Variants in PPP2R5E observed in about 807,000 individuals in gnomAD.
PPP2R5E encodes the protein protein phosphatase 2 regulatory subunit B'epsilon.
PPP2R5E carries 4 observed loss-of-function variants against 65.3 expected under a neutral mutation model. The observed-to-expected ratio is 0.06, with a 90% CI of 0.03 to 0.14. The LOEUF (loss-of-function observed/expected upper bound fraction) is 0.14, where lower values mean the gene tolerates loss of function less well. Ranked by LOEUF, PPP2R5E falls within the 10% of genes least tolerant of loss-of-function variation. The pLI is 1.00. For missense variants in PPP2R5E, 274 were observed against 556.1 expected, an observed-to-expected ratio of 0.49 and a Z score of 5.10; for synonymous variants, 183 against 187.4, an observed-to-expected ratio of 0.98 and a Z score of 0.19.
chr14:63,508,786 C>T (rs1892334501), intron 2 of PPP2R5E, among the ~76,000 whole-genome samples: 1 of 152,222 alleles, frequency 6.6e-6, no homozygotes, highest in Admixed American at 6.5e-5. Context: ...TCTTGCTTTG[C>T]TTTCCAGCTT....
chr14:63,436,806 G>A (rs1449511763), intron 3 of PPP2R5E, among the ~76,000 whole-genome samples: 1 of 152,180 alleles, frequency 6.6e-6, no homozygotes, highest in African/African-American at 2.4e-5. Context: ...TTTTAAATGT[G>A]CTTTAAACAC....
intron 12 of PPP2R5E, among the ~76,000 whole-genome samples, chr14:63,382,594 T>C (rs1884431607): frequency 6.6e-6 from 1 of 151,892 alleles, no homozygotes; most frequent in Admixed American, 6.6e-5. Context: ...AGAGACGAGG[T>C]TTCTCCATGT....
chr14:63,474,509 A>G (rs1006432710), intron 2 of PPP2R5E, among the ~76,000 whole-genome samples: 1 of 151,928 alleles, frequency 6.6e-6, no homozygotes. Context: ...AGGTGGAGAT[A>G]GAAATGTGGG....
intron 10 of PPP2R5E, 56 bp downstream of exon 10, chr14:63,391,761 G>T (rs962048764): frequency 4.5e-6 from 7 of 1,558,934 alleles, no homozygotes; most frequent in Non-Finnish European, 6.2e-6. Context: ...CCCAATCCTT[G>T]GCACTCAGCA....
intron 1 of PPP2R5E, among the ~76,000 whole-genome samples, chr14:63,541,909 C>T (rs2139783832): frequency 6.6e-6 from 1 of 152,100 alleles, no homozygotes; most frequent in Middle Eastern, 3.4e-3. Flanking sequence ...CTATGAATGA[C>T]TATAGATGTT....
At chr14:63,520,374 C>G (rs1311191118) in intron 2 of PPP2R5E, among the ~76,000 whole-genome samples, 1 of 152,248 alleles carries the variant, frequency 6.6e-6, no homozygotes, top group Non-Finnish European at 1.5e-5. Context: ...GTCTTCTTCT[C>G]TCAGCATAAT....
intron 8 of PPP2R5E, among the ~76,000 whole-genome samples, chr14:63,392,414 A>G (rs981156401): frequency 2.6e-5 from 4 of 152,196 alleles, no homozygotes; most frequent in Admixed American, 6.5e-5. Context: ...TAGTTCCACA[A>G]GAGTCCTCTA....
intron 3 of PPP2R5E, among the ~76,000 whole-genome samples, chr14:63,444,237 T>A (rs1888370800): frequency 6.6e-6 from 1 of 152,206 alleles, no homozygotes; most frequent in Non-Finnish European, 1.5e-5. Flanking sequence ...GTTTGGGAAT[T>A]CCTTTGCATC....
At chr14:63,538,272 T>C (rs1256568071) in intron 2 of PPP2R5E, among the ~76,000 whole-genome samples, 1 of 151,354 alleles carries the variant, frequency 6.6e-6, no homozygotes, top group Admixed American at 6.6e-5. Flanking sequence ...TTTTTTTTTT[T>C]TCCCCCGAGA....
At chr14:63,530,179 A>G (rs538801717) in intron 2 of PPP2R5E, among the ~76,000 whole-genome samples, 1 of 149,490 alleles carries the variant, frequency 6.7e-6, no homozygotes, top group African/African-American at 2.5e-5. Flanking sequence ...CCAGATATAC[A>G]CTGTCCCAAC....
intron 2 of PPP2R5E, among the ~76,000 whole-genome samples, chr14:63,462,090 A>G (rs113650906): frequency 6.9e-6 from 1 of 145,486 alleles, no homozygotes. Context: ...TTTTTTTTTT[A>G]GACGGAGTCT....
At chr14:63,436,489 T>C (rs2139416656) in intron 3 of PPP2R5E, among the ~76,000 whole-genome samples, 1 of 152,352 alleles carries the variant, frequency 6.6e-6, no homozygotes, top group African/African-American at 2.4e-5. Flanking sequence ...TGACCTTTCA[T>C]TAGCAAAACA....
chr14:63,376,214 T>C (rs1459471284), intron 13 of PPP2R5E, 106 bp from the exon 14 acceptor site: 4 of 715,466 alleles, frequency 5.6e-6, no homozygotes, highest in Admixed American at 3.3e-5. Flanking sequence ...CTTAGCTTAA[T>C]TGAGAAAATT....
chr14:63,375,958 T>C lies in PPP2R5E; in HGVS notation c.*51A>G. 1 of 1,286,464 alleles carries C rather than the reference T, an allele frequency of 7.8e-7. No individual in the cohort carries two copies. Among genetic ancestry groups the C allele is most frequent in the Non-Finnish European group, 1.1e-6 (1 of 896,784 alleles). 79.7% of individuals were successfully genotyped at this position (1,286,464 alleles called of 1,614,324 possible). A position where few individuals can be genotyped will look rare whatever the true frequency, so the allele number is the denominator to read the frequency against. On this transcript the variant is annotated 3_prime_UTR_variant, in exon 14 of 14. Coordinates refer to ENST00000337537, the MANE Select transcript of PPP2R5E (RefSeq NM_006246.5). ...AGAAAACTGTTGCTCCATCTTCTAC[T>C]ACATAAACGTGTGACTCCACAGGTT...
At position 63,373,694 on chromosome 14, in the gene PPP2R5E, A is replaced by T. The variant is rs1455588553; in HGVS notation, c.*2315T>A. 2.0e-5 allele frequency: 3 copies of T among 152,216 alleles called. No homozygotes were observed. The highest frequency in any genetic ancestry group is 7.2e-5 in the African/African-American group (3 of 41,428). 9.4% of individuals were successfully genotyped at this position (152,216 alleles called of 1,614,324 possible). On this transcript the variant is annotated 3_prime_UTR_variant, in exon 14 of 14. Coordinates refer to ENST00000337537, the MANE Select transcript of PPP2R5E (RefSeq NM_006246.5). The stretch of plus-strand genomic sequence containing the variant: ...TTTACTCTTGAAGACAGGGTAAGGT[A>T]CAAAAAAGGATCCTGGCCTTTCTCA...
intron 3 of PPP2R5E, 190 bp downstream of exon 3, chr14:63,453,499 C>G: frequency 2.2e-6 from 1 of 458,522 alleles, no homozygotes. Flanking sequence ...AGTTAAAGTT[C>G]TGGATTTCGT....
At chr14:63,471,472 T>A (rs562718733) in intron 2 of PPP2R5E, among the ~76,000 whole-genome samples, 4 of 152,202 alleles carry the variant, frequency 2.6e-5, no homozygotes, top group Non-Finnish European at 5.9e-5. Flanking sequence ...ATAAATAGTT[T>A]CTGAAAATCT....
chr14:63,397,336 T>C (rs952987426), intron 5 of PPP2R5E, among the ~76,000 whole-genome samples: 1 of 151,988 alleles, frequency 6.6e-6, no homozygotes, highest in Non-Finnish European at 1.5e-5. Context: ...ACCCCGTCTC[T>C]AGTAAAAATA....
chr14:63,457,531 A>T (rs1889188739), intron 2 of PPP2R5E, among the ~76,000 whole-genome samples: 1 of 152,204 alleles, frequency 6.6e-6, no homozygotes, highest in Non-Finnish European at 1.5e-5. Context: ...AATTACAGTC[A>T]TTAAGAAATA....
Sources: gnomAD v4.1 joint callset for allele counts (sites outside exome capture counted in the v4.1 genomes callset) on GRCh38, gnomAD v4.1.1 for gene constraint, MANE v1.5 for transcripts, NCBI Gene and HGNC (gene_info 2026-07-23, HGNC 2026-07-21) for gene names.